The following CMIP variants were observed in gnomAD, a reference collection of about 807,000 sequenced individuals.
The protein encoded by CMIP is c-Maf inducing protein.
CMIP carries 13 observed loss-of-function variants against 97.3 expected under a neutral mutation model. The ratio of observed to expected loss-of-function variants is 0.13; its 90% confidence interval spans 0.09 to 0.21. The LOEUF is 0.21. Among genes scored for constraint, CMIP ranks in the 10% least tolerant of loss-of-function variants. The probability of loss-of-function intolerance (pLI) is 1.00; values close to 1 mark genes in which losing one functional copy is unlikely to be tolerated. For synonymous variants in CMIP, 538 were observed against 436.3 expected (o/e 1.23, Z -2.91); for missense variants, 847 against 1,024.9 (o/e 0.83, Z 2.37).
chr16:81,497,555 A>G (rs1246709570), intron 1 of CMIP, among the ~76,000 whole-genome samples: 2 of 152,216 alleles, frequency 1.3e-5, no homozygotes, highest in Non-Finnish European at 1.5e-5. Context: ...GCCTTAGGAC[A>G]CAGCCAGCTT....
chr16:81,658,097 G>A (rs555354287), intron 5 of CMIP, among the ~76,000 whole-genome samples: 1 of 152,348 alleles, frequency 6.6e-6, no homozygotes, highest in Non-Finnish European at 1.5e-5. Flanking sequence ...GGAGTTGAAG[G>A]CAGGAGATGG....
chr16:81,702,317 TCC>T (rs1466203467), intron 16 of CMIP, among the ~76,000 whole-genome samples: 3 of 151,582 alleles, frequency 2.0e-5, no homozygotes, highest in African/African-American at 7.3e-5. Context: ...TTTCTTAGAG[TCC>T]CCCGGTGGGA....
intron 3 of CMIP, among the ~76,000 whole-genome samples, chr16:81,649,673 G>C (rs1034510583): frequency 1.4e-4 from 22 of 152,230 alleles, no homozygotes; most frequent in African/African-American, 5.3e-4. Flanking sequence ...TTTCGCAAAA[G>C]AATGAAGTCA....
chr16:81,477,230 A>C (rs944174610), intron 1 of CMIP, among the ~76,000 whole-genome samples: 1 of 151,676 alleles, frequency 6.6e-6, no homozygotes, highest in Non-Finnish European at 1.5e-5. Context: ...GTCTCGGCTC[A>C]CTGCAACCTC....
chr16:81,654,524 A>G (rs2092462713), intron 4 of CMIP, among the ~76,000 whole-genome samples: 1 of 152,210 alleles, frequency 6.6e-6, no homozygotes, highest in Non-Finnish European at 1.5e-5. Flanking sequence ...TCAGGCAAGG[A>G]GTCAGCATTA....
intron 1 of CMIP, among the ~76,000 whole-genome samples, chr16:81,553,389 G>A (rs1452220953): frequency 1.3e-5 from 2 of 152,212 alleles, no homozygotes; most frequent in African/African-American, 4.8e-5. Context: ...GCAGGACTGG[G>A]CAGGCTGGGT....
intron 1 of CMIP, among the ~76,000 whole-genome samples, chr16:81,515,267 C>T (rs1452101167): frequency 6.6e-6 from 1 of 152,316 alleles, no homozygotes; most frequent in East Asian, 1.9e-4. Context: ...TCTCACCTGT[C>T]AGCGAGGCCT....
intron 10 of CMIP, among the ~76,000 whole-genome samples, chr16:81,688,713 G>T (rs1597252523): frequency 6.6e-6 from 1 of 152,032 alleles, no homozygotes; most frequent in African/African-American, 2.4e-5. Flanking sequence ...CAATGTGCAG[G>T]TTTGTTACAT....
At chr16:81,645,042 G>T (rs955555556) in intron 3 of CMIP, among the ~76,000 whole-genome samples, 2 of 152,220 alleles carry the variant, frequency 1.3e-5, no homozygotes, top group Non-Finnish European at 2.9e-5. Flanking sequence ...AATGTTCTCT[G>T]TCTGCACCAC....
In CMIP at chr16:81,709,991, C is replaced by A; in HGVS notation, c.*192C>A. On this transcript the variant is annotated 3_prime_UTR_variant, in exon 21 of 21. Coordinates refer to ENST00000537098, the MANE Select transcript of CMIP (RefSeq NM_198390.3). ...AAGCACGCCCAGCCCCCGCCGAATTCTTTTAGCTTCGTAATTGGAACCTTT... is the reference window on the plus strand; with the variant it reads ...AAGCACGCCCAGCCCCCGCCGAATTATTTTAGCTTCGTAATTGGAACCTTT... The A allele has an allele frequency of 2.4e-6, 1 of 412,316 alleles. No homozygotes were observed. The highest frequency in any genetic ancestry group is 4.4e-6 in the Non-Finnish European group (1 of 226,206). The allele number at this position is 412,316 out of a possible 1,614,324, so 25.5% of individuals were successfully genotyped here.
intron 1 of CMIP, among the ~76,000 whole-genome samples, chr16:81,594,548 A>C (rs1432922315): frequency 1.3e-5 from 2 of 152,156 alleles, no homozygotes; most frequent in African/African-American, 4.8e-5. Flanking sequence ...GAGACCTCGA[A>C]TAGTACTAAA....
intron 1 of CMIP, among the ~76,000 whole-genome samples, chr16:81,563,325 A>G (rs1263581688): frequency 1.3e-5 from 2 of 152,228 alleles, no homozygotes; most frequent in African/African-American, 2.4e-5. Context: ...CCTGAGTTCA[A>G]ATCCCAGCTC....
At chr16:81,617,175 G>A (rs1041112912) in intron 2 of CMIP, 1 of 152,218 alleles carries the variant, frequency 6.6e-6, no homozygotes, top group East Asian at 1.9e-4. Context: ...AGGAAGAAGG[G>A]GCCAAGAGCC....
Position 81,603,636 on chromosome 16 carries a change from C to T in CMIP, c.301-3931C>T, listed in dbSNP as rs145442018. Among the ~76,000 whole-genome samples the T allele has an allele frequency of 4.9e-3, 752 of 152,318 alleles. 9 individuals carry two copies. Among genetic ancestry groups the T allele is most frequent in the African/African-American group, 0.017 (722 of 41,576 alleles). Reference sequence around the variant, plus strand: ...CCCGGGATCCCATCCAGGATCCCCACAGTACCTGTAGTCACGTCTCCCAAA... The same window carrying T: ...CCCGGGATCCCATCCAGGATCCCCATAGTACCTGTAGTCACGTCTCCCAAA... On this transcript the variant is annotated intron_variant, in intron 1 of 20. Transcript: ENST00000537098.
intron 1 of CMIP, among the ~76,000 whole-genome samples, chr16:81,491,968 C>T (rs2089413774): frequency 6.6e-6 from 1 of 152,188 alleles, no homozygotes; most frequent in African/African-American, 2.4e-5. Flanking sequence ...TTTTGTGTCA[C>T]ACCATTTTTC....
rs532856036 is a variant in CMIP, at chr16:81,669,774, C to T, written c.826-368C>T. Reference sequence around the variant, plus strand: ...CTCTTCTCCTTCCACACCCACCTCTCACACACCTCCTTCCACACTCCACAT... The same window carrying T: ...CTCTTCTCCTTCCACACCCACCTCTTACACACCTCCTTCCACACTCCACAT... On this transcript the variant is annotated intron_variant, in intron 7 of 20. Coordinates refer to ENST00000537098, the MANE Select transcript of CMIP (RefSeq NM_198390.3). Among the ~76,000 whole-genome samples the T allele has an allele frequency of 2.0e-5, 3 of 151,414 alleles. No individual in the cohort carries two copies. The South Asian group carries it at 6.3e-4, about 32-fold the overall frequency.
Position 81,709,646 on chromosome 16 carries a change from G to A in CMIP, c.2269-100G>A. ...CACAGCACCAAGGTGGGGAGAGGGT[G>A]GCAGAGACCCCCAGCCGGCAATGCG... On this transcript the variant is annotated intron_variant, in intron 20 of 20. Coordinates refer to ENST00000537098, the MANE Select transcript of CMIP (RefSeq NM_198390.3). 5.2e-6 allele frequency: 7 copies of A among 1,347,680 alleles called. No homozygotes were observed. In the Middle Eastern group the frequency reaches 5.7e-4, roughly 109 times the overall value. The allele number at this position is 1,347,680 out of a possible 1,614,324, so 83.5% of individuals were successfully genotyped here.
At chr16:81,562,444 G>A (rs2090901475) in intron 1 of CMIP, among the ~76,000 whole-genome samples, 1 of 152,236 alleles carries the variant, frequency 6.6e-6, no homozygotes, top group African/African-American at 2.4e-5. Context: ...CTGCCCTCAA[G>A]CAAATCCATT....
At chr16:81,543,729 G>T (rs1362058919) in intron 1 of CMIP, among the ~76,000 whole-genome samples, 2 of 152,198 alleles carry the variant, frequency 1.3e-5, no homozygotes, top group South Asian at 4.1e-4. Context: ...AAAGGATGGG[G>T]ATTTAATTTT....
Sources: allele counts gnomAD v4.1 joint callset (sites outside exome capture counted in the v4.1 genomes callset), GRCh38; gene constraint gnomAD v4.1.1; transcripts MANE v1.5; gene names NCBI Gene and HGNC (gene_info 2026-07-23, HGNC 2026-07-21).